The following WDR88 variants were observed in gnomAD, a reference collection of about 807,000 sequenced individuals.
WDR88 encodes the protein WD repeat domain 88.
WDR88 carries 40 observed loss-of-function variants against 46.8 expected under a neutral mutation model. The ratio of observed to expected loss-of-function variants is 0.86; its 90% confidence interval spans 0.66 to 1.11. The LOEUF (loss-of-function observed/expected upper bound fraction) is 1.11, where lower values mean the gene tolerates loss of function less well. Ranked by LOEUF, WDR88 falls within the 50% of genes most tolerant of loss-of-function variation. The probability of loss-of-function intolerance (pLI) is 0.00; values close to 1 mark genes in which losing one functional copy is unlikely to be tolerated. For synonymous variants in WDR88, 235 were observed against 240.7 expected, an observed-to-expected ratio of 0.98 and a Z score of 0.22; for missense variants, 562 against 602.4, an observed-to-expected ratio of 0.93 and a Z score of 0.70.
chr19:33,146,798 A>G (rs1181731659), intron 3 of WDR88, among the ~76,000 whole-genome samples: 1 of 152,164 alleles, frequency 6.6e-6, no homozygotes, highest in Non-Finnish European at 1.5e-5. Context: ...GATTACAGGC[A>G]TGAGCCACCG....
chr19:33,138,986 C>A (rs935355852), intron 2 of WDR88, among the ~76,000 whole-genome samples: 27 of 152,070 alleles, frequency 1.8e-4, no homozygotes, highest in African/African-American at 6.5e-4. Flanking sequence ...CCGGCCACCC[C>A]ACACACCTGT....
intron 6 of WDR88, among the ~76,000 whole-genome samples, chr19:33,154,844 C>G (rs1329349264): frequency 6.6e-6 from 1 of 151,704 alleles, no homozygotes; most frequent in Non-Finnish European, 1.5e-5. Context: ...CCGGATGGCC[C>G]TGCGAAGTTG....
chr19:33,158,718 G>A (rs928740569), intron 7 of WDR88, among the ~76,000 whole-genome samples: 8 of 152,028 alleles, frequency 5.3e-5, no homozygotes, highest in Non-Finnish European at 2.9e-5. Flanking sequence ...GTTGTTGTTT[G>A]TTTGTTTTGC....
At position 33,137,135 on chromosome 19, in the gene WDR88, G is replaced by A. The variant is rs200034383; in HGVS notation, c.277-542G>A. ...TTCTTTTTTTTTTTTTTCCAATTTTGTACAGACAGTCTCACTATGTTGCCC... is the reference window on the plus strand; with the variant it reads ...TTCTTTTTTTTTTTTTTCCAATTTTATACAGACAGTCTCACTATGTTGCCC... On this transcript the variant is annotated intron_variant, in intron 1 of 10. Transcript: ENST00000355868. 5.7e-4 allele frequency among the ~76,000 whole-genome samples: 82 copies of A among 143,730 alleles called. 2 individuals carry two copies. The East Asian group carries it at 1.0e-2, about 17-fold the overall frequency. The allele number at this position is 143,730 out of a possible 152,430, so 94.3% of individuals were successfully genotyped here.
chr19:33,155,035 C>T (rs79783236), intron 6 of WDR88, among the ~76,000 whole-genome samples: 1 of 152,166 alleles, frequency 6.6e-6, no homozygotes, highest in African/African-American at 2.4e-5. Context: ...GTGAGAATCA[C>T]AGGAGAAAGA....
chr19:33,140,560 C>T (rs756552461), intron 2 of WDR88, among the ~76,000 whole-genome samples: 3 of 152,130 alleles, frequency 2.0e-5, no homozygotes, highest in East Asian at 1.9e-4. Flanking sequence ...GAGGCCGAGG[C>T]GAGCAAATCA....
At chr19:33,153,841 A>C (rs1205170286) in intron 6 of WDR88, among the ~76,000 whole-genome samples, 1 of 152,116 alleles carries the variant, frequency 6.6e-6, no homozygotes, top group African/African-American at 2.4e-5. Flanking sequence ...TTTCTCCTAT[A>C]GGTAAAAAGT....
At chr19:33,153,099 G>A (rs1343211074) in intron 6 of WDR88, among the ~76,000 whole-genome samples, 2 of 152,052 alleles carry the variant, frequency 1.3e-5, no homozygotes, top group South Asian at 2.1e-4. Flanking sequence ...TGCCCAGGCT[G>A]GAGTGCAGTG....
intron 2 of WDR88, among the ~76,000 whole-genome samples, chr19:33,139,028 C>T (rs1973335912): frequency 6.6e-6 from 1 of 152,104 alleles, no homozygotes; most frequent in Non-Finnish European, 1.5e-5. Flanking sequence ...GTGTTTGGGG[C>T]CTAGGATGTC....
chr19:33,157,171 T>A (rs1973751266), intron 7 of WDR88, among the ~76,000 whole-genome samples: 1 of 150,674 alleles, frequency 6.6e-6, no homozygotes, highest in Admixed American at 6.7e-5. Flanking sequence ...CACTCCAGCC[T>A]GGGCAACAGA....
chr19:33,174,181 G>C (rs531080780), intron 10 of WDR88: 2 of 1,536,274 alleles, frequency 1.3e-6, no homozygotes, highest in East Asian at 2.4e-5. Context: ...TTGCAAAAAA[G>C]GAAAAGAAAG....
intron 2 of WDR88, among the ~76,000 whole-genome samples, chr19:33,141,227 G>GGTTTTTT: frequency 8.8e-6 from 1 of 113,402 alleles, no homozygotes; most frequent in Non-Finnish European, 1.7e-5. Context: ...GTGGGAGCAT[G>GGTTTTTT]TTTTTTTTTT....
At chr19:33,163,195 T>G (rs969894760) in intron 8 of WDR88, among the ~76,000 whole-genome samples, 5 of 151,078 alleles carry the variant, frequency 3.3e-5, no homozygotes, top group Non-Finnish European at 7.4e-5. Context: ...TAGCCGGGTG[T>G]GGTGGCGGGC....
At chr19:33,153,229 GTTTTT>G (rs35860325) in intron 6 of WDR88, among the ~76,000 whole-genome samples, 2,862 of 129,536 alleles carry the variant, frequency 0.022, 95 homozygotes, top group African/African-American at 0.076. Flanking sequence ...TTTTAAGTTT[GTTTTT>G]TTTTTTTTTT....
chr19:33,143,227 C>T (rs757535748), intron 2 of WDR88, among the ~76,000 whole-genome samples: 5 of 148,900 alleles, frequency 3.4e-5, no homozygotes, highest in Non-Finnish European at 5.9e-5. Flanking sequence ...CCCAGCTACT[C>T]GGGAAGTTGA....
chr19:33,160,926 C>T (rs1973854017), intron 8 of WDR88, among the ~76,000 whole-genome samples: 1 of 152,128 alleles, frequency 6.6e-6, no homozygotes, highest in Admixed American at 6.6e-5. Flanking sequence ...AATCCCAGTA[C>T]TTTGGGAGGC....
chr19:33,162,468 C>T (rs1414716214), intron 8 of WDR88, among the ~76,000 whole-genome samples: 1 of 151,918 alleles, frequency 6.6e-6, no homozygotes, highest in African/African-American at 2.4e-5. Flanking sequence ...CCGCCTCGGC[C>T]TCCCAAAGTG....
intron 1 of WDR88, among the ~76,000 whole-genome samples, chr19:33,136,758 G>C (rs1973275117): frequency 6.6e-6 from 1 of 150,716 alleles, no homozygotes. Flanking sequence ...TTATTTTTTA[G>C]TAGAGATGGG....
chr19:33,158,550 A>G (rs1973805763), intron 7 of WDR88, among the ~76,000 whole-genome samples: 2 of 152,234 alleles, frequency 1.3e-5, no homozygotes, highest in African/African-American at 4.8e-5. Context: ...GTCAACATTC[A>G]TGGCACTTTC....
Sources: gnomAD v4.1 joint callset for allele counts (sites outside exome capture counted in the v4.1 genomes callset) on GRCh38, gnomAD v4.1.1 for gene constraint, MANE v1.5 for transcripts, NCBI Gene and HGNC (gene_info 2026-07-23, HGNC 2026-07-21) for gene names.